ZNF687: variants seen among roughly 807,000 people sequenced by gnomAD.
ZNF687 encodes the protein zinc finger protein 687.
A neutral mutation model predicts 71.8 loss-of-function variants in ZNF687; 13 were observed. The observed-to-expected ratio is 0.18, with a 90% CI of 0.12 to 0.29. The LOEUF (loss-of-function observed/expected upper bound fraction) is 0.29, where lower values mean the gene tolerates loss of function less well. ZNF687 is among the 10% of genes least tolerant of loss of function. The probability of loss-of-function intolerance (pLI) is 1.00; values close to 1 mark genes in which losing one functional copy is unlikely to be tolerated. For missense variants in ZNF687, 1,412 were observed against 1,625.6 expected (o/e 0.87, Z 2.26); for synonymous variants, 673 against 641.6 (o/e 1.05, Z -0.74).
chr1:151,287,128 C>A lies in ZNF687; in HGVS notation c.837C>A (p.Pro279=). 3 of 1,614,114 alleles carry A rather than the reference C, an allele frequency of 1.9e-6. No individual in the cohort carries two copies. The highest frequency in any genetic ancestry group is 2.5e-6 in the Non-Finnish European group (3 of 1,180,012). ...HQSPLASPKV[P]VCQPLKEEDD... is the part of the protein sequence containing the mutation. The stretch of plus-strand genomic sequence containing the variant: ...GCCCTCTTGCCTCCCCCAAAGTGCC[C>A]GTCTGTCAGCCCTTGAAGGAAGAAG... Residue 279 remains proline, a synonymous_variant, in exon 2 of 9, where the codon CCC becomes CCA. Transcript: ENST00000336715. The surrounding 1 kb of genome is among the most constrained non-coding windows in gnomAD (Gnocchi z 5.0).
At position 151,290,991 on chromosome 1, in the gene ZNF687, A is replaced by G; in HGVS notation, c.3496A>G (p.Lys1166Glu). ...ISHKKRRGVGKASALGLGDGE... is the reference protein window; with the variant it reads ...ISHKKRRGVGEASALGLGDGE... ...CCACAAGAAGAGACGGGGTGTGGGT[A>G]AAGCCAGTGCCCTGGGGCTGGGGGA... The change falls in exon 9 of 9, where the codon AAA becomes GAA. Residue 1166 changes from lysine to glutamate, a missense_variant. Lys to Glu is a moderately conservative substitution (Grantham distance 56). This residue lies in a region of ZNF687 where 284 missense variants were observed against 359.2 expected (regional missense o/e 0.79). Coordinates refer to ENST00000336715, the MANE Select transcript of ZNF687 (RefSeq NM_020832.3). 6.2e-7 allele frequency: 1 copy of G among 1,613,978 alleles called. No individual in the cohort carries two copies. The highest frequency in any genetic ancestry group is 1.3e-5 in the African/African-American group (1 of 75,014).
rs1233366925 is a variant in ZNF687 at position 151,287,421 on chromosome 1, C to T, written c.1130C>T (p.Thr377Ile). 3.1e-6 allele frequency: 5 copies of T among 1,614,218 alleles called. No homozygotes were observed. Among genetic ancestry groups the T allele is most frequent in the Admixed American group, 1.7e-5 (1 of 60,032 alleles). The change falls in exon 2 of 9, where the codon ACA becomes ATA. Residue 377 changes from threonine (T) to isoleucine (I), a missense_variant. Transcript: ENST00000336715. This position sits in a 1 kb window ranked among gnomAD's most constrained non-coding sequence, Gnocchi z 5.0. ...EASLLKLSPATPTSEGPKVVS... is the reference protein window; with the variant it reads ...EASLLKLSPAIPTSEGPKVVS... Reference sequence around the variant, plus strand: ...AGCCTCTTGAAGCTGTCCCCTGCAACACCTACTTCTGAGGGTCCAAAGGTG... The same window carrying T: ...AGCCTCTTGAAGCTGTCCCCTGCAATACCTACTTCTGAGGGTCCAAAGGTG...
At position 151,286,464 on chromosome 1, in the gene ZNF687, C is replaced by T. The variant is rs762937626; in HGVS notation, c.173C>T (p.Ser58Phe). Residue 58 changes from serine (S) to phenylalanine (F), a missense_variant, in exon 2 of 9, where the codon TCT becomes TTT. By Grantham distance (155) the Ser-to-Phe change is radical. Around this residue, in one of 8 missense-constraint regions of ZNF687, gnomAD observed 490 missense variants for 489.9 expected, o/e 1.00. Coordinates refer to ENST00000336715, the MANE Select transcript of ZNF687 (RefSeq NM_020832.3). ...GAATCTGAAGACACAGCAGCAGCCT[C>T]TGCTGGGGATGGCCCTGGAGTTCCA... ...GSESEDTAAASAGDGPGVPAQ... is the reference protein window; with the variant it reads ...GSESEDTAAAFAGDGPGVPAQ... 1 of 1,614,014 alleles carries T rather than the reference C, an allele frequency of 6.2e-7. No homozygotes were observed. The highest frequency in any genetic ancestry group is 8.5e-7 in the Non-Finnish European group (1 of 1,179,878).
rs1236366645 is a variant in ZNF687 at position 151,288,060 on chromosome 1, T to G, written c.1769T>G (p.Leu590Arg). 6.2e-7 allele frequency: 1 copy of G among 1,614,046 alleles called. No homozygotes were observed. The highest frequency in any genetic ancestry group is 1.7e-5 in the Admixed American group (1 of 60,034). Residue 590 changes from leucine (L) to arginine (R), a missense_variant, in exon 2 of 9, where the codon CTC (leucine) becomes CGC (arginine). Coordinates refer to ENST00000336715, the MANE Select transcript of ZNF687 (RefSeq NM_020832.3). Reference protein sequence around the residue: ...LHAREHKDKGLVMQCSHLVMR... With the variant: ...LHAREHKDKGRVMQCSHLVMR... Reference sequence around the variant, plus strand: ...GCACGTGAACACAAGGACAAGGGGCTCGTCATGCAGTGCTCACATTTGGTC... The same window carrying G: ...GCACGTGAACACAAGGACAAGGGGCGCGTCATGCAGTGCTCACATTTGGTC...
Position 151,288,524 on chromosome 1 carries a change from A to G in ZNF687, c.2116-4A>G. On this transcript the variant is annotated splice_region_variant and splice_polypyrimidine_tract_variant and intron_variant, in intron 2 of 8. Transcript: ENST00000336715. ...CGACTTTCCTTGTTTAACCCACTCG[A>G]CAGGTGTGCCCAACCTGCCCCATGA... 6.3e-7 allele frequency: 1 copy of G among 1,599,402 alleles called. No homozygotes were observed. Among genetic ancestry groups the G allele is most frequent in the South Asian group, 1.1e-5 (1 of 89,616 alleles).
Position 151,290,927 on chromosome 1 carries a change from T to C in ZNF687, c.3432T>C (p.Phe1144=), listed in dbSNP as rs754246801. 1.2e-6 allele frequency: 2 copies of C among 1,613,712 alleles called. No individual in the cohort carries two copies. The highest frequency in any genetic ancestry group is 1.7e-6 in the Non-Finnish European group (2 of 1,179,984). Residue 1144 remains phenylalanine, a synonymous_variant, in exon 9 of 9, where the codon TTT becomes TTC. Transcript: ENST00000336715. The part of the protein sequence containing the change: ...AQQCLDCGLC[F]ASPGSLSRHR... ...AGTGCCTCGACTGTGGCTTGTGCTT[T>C]GCCTCCCCTGGCTCCCTGAGCCGAC... is the stretch of plus-strand genomic sequence containing the variant.
chr1:151,288,881 G>A (rs1694070805), intron 3 of ZNF687, among the ~76,000 whole-genome samples, 175 bp downstream of exon 3: 1 of 152,172 alleles, frequency 6.6e-6, no homozygotes, highest in Non-Finnish European at 1.5e-5. Flanking sequence ...ATGGAGATGG[G>A]GGGAAGCAGG....
Position 151,289,709 on chromosome 1 carries a change from C to T in ZNF687, c.2666C>T (p.Thr889Ile), listed in dbSNP as rs376622578. The change falls in exon 6 of 9, where the codon ACT (threonine) becomes ATT (isoleucine). Residue 889 changes from threonine to isoleucine, a missense_variant. Around this residue, in one of 8 missense-constraint regions of ZNF687, gnomAD observed 106 missense variants for 146.0 expected, o/e 0.73. Coordinates refer to ENST00000336715, the MANE Select transcript of ZNF687 (RefSeq NM_020832.3). ...NTHQSGRLEE[T>I]AGKGAGGALL... The stretch of plus-strand genomic sequence containing the variant: ...CATCAGTCTGGGCGCTTGGAGGAGA[C>T]TGCTGGGAAAGGGGCCGGGGGTGCC... The T allele has an allele frequency of 5.8e-6, 9 of 1,563,884 alleles. No individual in the cohort carries two copies. The African/African-American group carries it at 1.2e-4, about 21-fold the overall frequency.
At chr1:151,290,660 G>C in intron 8 of ZNF687, 55 bp from the exon 9 acceptor site, 1 of 1,578,882 alleles carries the variant, frequency 6.3e-7, no homozygotes, top group East Asian at 2.2e-5. Flanking sequence ...GAGCATGGGG[G>C]TGCCAGGGAC....
At position 151,287,282 on chromosome 1, in the gene ZNF687, C is replaced by G; in HGVS notation, c.991C>G (p.Arg331Gly). ...CAGCTCCTCTAGGCCTCTTAAGGTG[C>G]GGATCAAGACCATTAAAACATCCTG... ...ASSSSRPLKVRIKTIKTSCGN... is the reference protein window; with the variant it reads ...ASSSSRPLKVGIKTIKTSCGN... Residue 331 changes from arginine to glycine, a missense_variant, in exon 2 of 9, where the codon CGG (arginine) becomes GGG (glycine). By Grantham distance (125) the Arg-to-Gly change is moderately radical. Transcript: ENST00000336715. The surrounding 1 kb of genome is among the most constrained non-coding windows in gnomAD (Gnocchi z 5.0). The G allele has an allele frequency of 6.2e-7, 1 of 1,614,166 alleles. No homozygotes were observed. Among genetic ancestry groups the G allele is most frequent in the Non-Finnish European group, 8.5e-7 (1 of 1,180,032 alleles).
In ZNF687 at chr1:151,290,796, A is replaced by G. The variant is rs1414837820; in HGVS notation, c.3301A>G (p.Arg1101Gly). Residue 1101 changes from arginine to glycine, a missense_variant, in exon 9 of 9, where the codon AGG becomes GGG. Transcript: ENST00000336715. Reference sequence around the variant, plus strand: ...CACGACACCGCCAGCCAAGTCCCCCAGGGGCGGACCTGGATCTGGAGGCCA... The same window carrying G: ...CACGACACCGCCAGCCAAGTCCCCCGGGGGCGGACCTGGATCTGGAGGCCA... ...DSTTPPAKSPRGGPGSGGHGP... is the reference protein window; with the variant it reads ...DSTTPPAKSPGGGPGSGGHGP... The G allele has an allele frequency of 6.2e-7, 1 of 1,613,672 alleles. No homozygotes were observed. Among genetic ancestry groups the G allele is most frequent in the Non-Finnish European group, 8.5e-7 (1 of 1,179,994 alleles).
Position 151,287,190 on chromosome 1 carries a change from G to A in ZNF687, c.899G>A (p.Gly300Glu), listed in dbSNP as rs147172634. 2.5e-6 allele frequency: 4 copies of A among 1,614,160 alleles called. No homozygotes were observed. Among genetic ancestry groups the A allele is most frequent in the Non-Finnish European group, 3.4e-6 (4 of 1,180,020 alleles). Residue 300 changes from glycine to glutamate, a missense_variant, in exon 2 of 9, where the codon GGA becomes GAA. By Grantham distance (98) the Gly-to-Glu change is moderately conservative. Around this residue, in one of 8 missense-constraint regions of ZNF687, gnomAD observed 490 missense variants for 489.9 expected, o/e 1.00. Coordinates refer to ENST00000336715, the MANE Select transcript of ZNF687 (RefSeq NM_020832.3). The surrounding 1 kb of genome is among the most constrained non-coding windows in gnomAD (Gnocchi z 5.0). ...DEGPVDKSSPGSPQSPSSGAE... is the reference protein window; with the variant it reads ...DEGPVDKSSPESPQSPSSGAE... ...GGGCCAGTGGACAAGTCTTCCCCAG[G>A]AAGTCCCCAGAGTCCCTCTAGTGGG...
Position 151,291,526 on chromosome 1 carries a change from G to C in ZNF687, c.*317G>C, listed in dbSNP as rs888492025. 1.0e-5 allele frequency: 3 copies of C among 297,540 alleles called. No homozygotes were observed. The highest frequency in any genetic ancestry group is 4.8e-5 in the Admixed American group (1 of 20,702). 18.4% of individuals were successfully genotyped at this position (297,540 alleles called of 1,614,324 possible). A position where few individuals can be genotyped will look rare whatever the true frequency, so the allele number is the denominator to read the frequency against. The stretch of plus-strand genomic sequence containing the variant: ...GGATGGGACTTAGGTATGCCTGCTA[G>C]ACAGGTTCAGGGAAGGACTGATGGG... On this transcript the variant is annotated 3_prime_UTR_variant, in exon 9 of 9. Coordinates refer to ENST00000336715, the MANE Select transcript of ZNF687 (RefSeq NM_020832.3).
chr1:151,283,524 G>A (rs1410595945), intron 1 of ZNF687, among the ~76,000 whole-genome samples: 2 of 152,050 alleles, frequency 1.3e-5, no homozygotes, highest in African/African-American at 4.8e-5. Flanking sequence ...GGTGGCCATC[G>A]GATGACCTCT....
chr1:151,291,357 A>G lies in ZNF687; in HGVS notation c.*148A>G. The G allele has an allele frequency of 8.6e-7, 1 of 1,159,512 alleles. No individual in the cohort carries two copies. The highest frequency in any genetic ancestry group is 1.2e-6 in the Non-Finnish European group (1 of 849,220). 71.8% of individuals were successfully genotyped at this position (1,159,512 alleles called of 1,614,324 possible). A position where few individuals can be genotyped will look rare whatever the true frequency, so the allele number is the denominator to read the frequency against. On this transcript the variant is annotated 3_prime_UTR_variant, in exon 9 of 9. Transcript: ENST00000336715. ...ACCTGAAGAAGAAGAGCATTTGAGG[A>G]TTATTCTAGTTATTTGCAACCTCCC...
intron 1 of ZNF687, chr1:151,283,012 A>T (rs1693788597): frequency 4.8e-6 from 3 of 622,826 alleles, no homozygotes; most frequent in Admixed American, 6.3e-5. Context: ...CCAGCTCCCC[A>T]CCCTATCCTG....
chr1:151,290,078 G>A (rs1415555085), intron 6 of ZNF687, 44 bp from the exon 7 acceptor site: 7 of 1,612,044 alleles, frequency 4.3e-6, no homozygotes, highest in Non-Finnish European at 5.9e-6. Context: ...CAGTGGGGAC[G>A]GGGTCCTGGA....
At chr1:151,288,998 T>G in intron 3 of ZNF687, 97 bp from the exon 4 acceptor site, 1 of 1,351,082 alleles carries the variant, frequency 7.4e-7, no homozygotes, top group Non-Finnish European at 1.0e-6. Context: ...GATTTCCTTC[T>G]TGTAGTCTAC....
chr1:151,283,643 T>C (rs1373877674), intron 1 of ZNF687, among the ~76,000 whole-genome samples: 1 of 152,164 alleles, frequency 6.6e-6, no homozygotes, highest in African/African-American at 2.4e-5. Flanking sequence ...CAGTCCACTT[T>C]TCTGAGTACC....
Sources: allele counts gnomAD v4.1 joint callset (sites outside exome capture counted in the v4.1 genomes callset), GRCh38; gene constraint gnomAD v4.1.1; regional missense constraint gnomAD v4.1.1; non-coding constraint Gnocchi (gnomAD v3.1); transcripts MANE v1.5; gene names NCBI Gene and HGNC (gene_info 2026-07-23, HGNC 2026-07-21).